NFX1: variants seen among roughly 807,000 people sequenced by gnomAD.
NFX1 encodes the protein transcriptional repressor NF-X1.
In NFX1, 69 loss-of-function variants were observed where a neutral mutation model predicts 137.2. The observed-to-expected ratio is 0.50, with a 90% confidence interval of 0.41 to 0.61. The LOEUF is 0.61. Among genes scored for constraint, NFX1 ranks in the 20% least tolerant of loss-of-function variants. The pLI is 0.00. For missense variants in NFX1, 1,167 were observed against 1,391.0 expected, an observed-to-expected ratio of 0.84 and a Z score of 2.56; for synonymous variants, 495 against 474.1, an observed-to-expected ratio of 1.04 and a Z score of -0.57.
intron 2 of NFX1, among the ~76,000 whole-genome samples, chr9:33,297,680 G>C (rs1300648671): frequency 6.6e-6 from 1 of 152,134 alleles, no homozygotes; most frequent in Non-Finnish European, 1.5e-5. Context: ...TTTCTTGCTG[G>C]CTGTTGGCCA....
At chr9:33,344,695 G>A (rs1045489674) in intron 14 of NFX1, among the ~76,000 whole-genome samples, 20 of 151,750 alleles carry the variant, frequency 1.3e-4, no homozygotes, top group African/African-American at 4.1e-4. Flanking sequence ...GTGAAACCCC[G>A]TCTCTACTAA....
chr9:33,294,983 A>G lies in NFX1; in HGVS notation c.589A>G (p.Thr197Ala), dbSNP rs768483022. The G allele has an allele frequency of 1.2e-6, 2 of 1,614,090 alleles. No homozygotes were observed. The highest frequency in any genetic ancestry group is 1.7e-6 in the Non-Finnish European group (2 of 1,180,020). Reference protein sequence around the residue: ...KLKCEWSNRTTPKPEDAGPES... With the variant: ...KLKCEWSNRTAPKPEDAGPES... ...CAAATGTGAATGGAGTAACCGAACA[A>G]CTCCAAAACCGGAGGATGCTGGACC... Residue 197 changes from threonine (T) to alanine (A), a missense_variant, in exon 2 of 24, where the codon ACT becomes GCT. This residue lies in a region of NFX1 where 367 missense variants were observed against 386.7 expected (regional missense o/e 0.95). Coordinates refer to ENST00000379540, the MANE Select transcript of NFX1 (RefSeq NM_002504.6).
intron 15 of NFX1, chr9:33,347,843 T>G (rs1823485537): frequency 6.1e-6 from 1 of 164,204 alleles, no homozygotes; most frequent in South Asian, 1.3e-4. Context: ...CATGGAATAC[T>G]ACTCAGCCAG....
At chr9:33,319,889 C>G (rs1159707208) in intron 9 of NFX1, among the ~76,000 whole-genome samples, 2 of 152,132 alleles carry the variant, frequency 1.3e-5, no homozygotes, top group Admixed American at 6.6e-5. Context: ...AGCTAAGTTT[C>G]CCATCTAGCT....
chr9:33,344,279 T>G lies in NFX1; in HGVS notation c.2344+91T>G, dbSNP rs1386087023. 2.6e-6 allele frequency: 4 copies of G among 1,548,724 alleles called. No homozygotes were observed. The African/African-American group carries it at 5.4e-5, about 21-fold the overall frequency. On this transcript the variant is annotated intron_variant, in intron 14 of 23. Transcript: ENST00000379540. ...TACTGTCTTCACTGCTCTAGAGTCATGCTGTGATGGCTGCCCCTTGCTCCC... is the reference window on the plus strand; with the variant it reads ...TACTGTCTTCACTGCTCTAGAGTCAGGCTGTGATGGCTGCCCCTTGCTCCC...
At position 33,295,004 on chromosome 9, in the gene NFX1, G is replaced by T. The variant is rs772878659; in HGVS notation, c.610G>T (p.Gly204Ter). 9.3e-6 allele frequency: 15 copies of T among 1,614,042 alleles called. No homozygotes were observed. The South Asian group carries it at 1.6e-4, about 18-fold the overall frequency. The stretch of plus-strand genomic sequence containing the variant: ...AACAACTCCAAAACCGGAGGATGCT[G>T]GACCCGAAAGTACCAAACCTGTGGG... ...NRTTPKPEDA[G>*]PESTKPVGVF... The change falls in exon 2 of 24, where the codon GGA becomes TGA. Residue 204 changes from glycine (G) to a stop codon, truncating the protein, a stop_gained. Transcript: ENST00000379540. LOFTEE classifies it high-confidence loss of function.
chr9:33,330,068 A>G (rs899754835), intron 10 of NFX1, among the ~76,000 whole-genome samples: 1 of 152,198 alleles, frequency 6.6e-6, no homozygotes, highest in African/African-American at 2.4e-5. Context: ...TGCTGGGATT[A>G]CAGACGTGAG....
At chr9:33,313,158 C>T (rs1822023986) in intron 6 of NFX1, among the ~76,000 whole-genome samples, 1 of 152,118 alleles carries the variant, frequency 6.6e-6, no homozygotes, top group African/African-American at 2.4e-5. Flanking sequence ...CATTCTTTCT[C>T]CTTACGCATG....
chr9:33,322,076 C>T (rs1822406370), intron 9 of NFX1, among the ~76,000 whole-genome samples: 2 of 151,748 alleles, frequency 1.3e-5, no homozygotes, highest in Admixed American at 6.6e-5. Context: ...TGGCACATGC[C>T]TGCAATCCCA....
chr9:33,333,146 C>T (rs769340772), intron 11 of NFX1, among the ~76,000 whole-genome samples: 1 of 152,146 alleles, frequency 6.6e-6, no homozygotes, highest in Non-Finnish European at 1.5e-5. Flanking sequence ...ACACCGGCCT[C>T]GATTCCTGTT....
In NFX1 at chr9:33,290,520, T is replaced by G; in HGVS notation, c.-53T>G. 2 of 1,606,062 alleles carry G rather than the reference T, an allele frequency of 1.2e-6. No homozygotes were observed. Among genetic ancestry groups the G allele is most frequent in the Admixed American group, 1.7e-5 (1 of 60,006 alleles). ...CGCCGGAAGTCCGGGGCACGTGACC[T>G]GGTGACAGTGCTGACTTGGCTGTAC... On this transcript the variant is annotated 5_prime_UTR_variant, in exon 1 of 24. Coordinates refer to ENST00000379540, the MANE Select transcript of NFX1 (RefSeq NM_002504.6).
At chr9:33,302,967 CTT>C (rs35723578) in intron 3 of NFX1, among the ~76,000 whole-genome samples, 118 of 119,210 alleles carry the variant, frequency 9.9e-4, no homozygotes, top group African/African-American at 1.7e-3. Context: ...CACACCTGGC[CTT>C]TTTTTTTTTT....
rs1309967391 is a variant in NFX1 at position 33,294,838 on chromosome 9, G to C, written c.444G>C (p.Glu148Asp). The C allele has an allele frequency of 1.9e-6, 3 of 1,614,142 alleles. No individual in the cohort carries two copies. The East Asian group carries it at 6.7e-5, about 36-fold the overall frequency. The change falls in exon 2 of 24, where the codon GAG becomes GAC. Residue 148 changes from glutamate to aspartate, a missense_variant. Glu to Asp is a conservative substitution (Grantham distance 45). Coordinates refer to ENST00000379540, the MANE Select transcript of NFX1 (RefSeq NM_002504.6). ...TRSESGTDLR[E>D]HSPSESEKEV... ...CAGAGAGTGGGACAGACCTCAGAGA[G>C]CATAGTCCTTCTGAGAGTGAGAAGG...
At chr9:33,361,483 T>C (rs757108986) in intron 19 of NFX1, among the ~76,000 whole-genome samples, 2 of 151,914 alleles carry the variant, frequency 1.3e-5, no homozygotes, top group Admixed American at 6.6e-5. Context: ...CTTAAAATTA[T>C]AGAGAAAGGC....
At chr9:33,312,141 A>G (rs1202851099) in intron 6 of NFX1, among the ~76,000 whole-genome samples, 2 of 152,344 alleles carry the variant, frequency 1.3e-5, no homozygotes, top group South Asian at 2.1e-4. Context: ...GAGATGAATC[A>G]TGCAGATTTT....
chr9:33,308,418 G>A (rs556921996), intron 5 of NFX1, among the ~76,000 whole-genome samples: 2 of 152,126 alleles, frequency 1.3e-5, no homozygotes, highest in East Asian at 3.9e-4. Context: ...CTCCAGCCTG[G>A]GCAACAAAGC....
intron 15 of NFX1, among the ~76,000 whole-genome samples, chr9:33,347,476 A>AT (rs959389025): frequency 5.9e-5 from 9 of 151,790 alleles, no homozygotes; most frequent in African/African-American, 9.7e-5. Context: ...AAAATACCAA[A>AT]TTTTTTTTTA....
intron 10 of NFX1, 62 bp from the exon 11 acceptor site, chr9:33,332,410 T>G: frequency 6.9e-7 from 1 of 1,452,672 alleles, no homozygotes; most frequent in Non-Finnish European, 9.6e-7. Context: ...TGGCATTATA[T>G]TATAGTTGTA....
intron 9 of NFX1, among the ~76,000 whole-genome samples, chr9:33,319,780 G>C (rs1177233211): frequency 1.3e-5 from 2 of 152,070 alleles, no homozygotes; most frequent in African/African-American, 4.8e-5. Flanking sequence ...AAAGTGCTGG[G>C]ATTACAGGTG....
Sources: gnomAD v4.1 joint callset for allele counts (sites outside exome capture counted in the v4.1 genomes callset) on GRCh38, gnomAD v4.1.1 for gene constraint, gnomAD v4.1.1 regional missense constraint, MANE v1.5 for transcripts, NCBI Gene and HGNC (gene_info 2026-07-23, HGNC 2026-07-21) for gene names.